Variants in CDC23 observed in about 807,000 individuals in gnomAD.
CDC23 encodes the protein cell division cycle 23.
CDC23 carries 26 observed loss-of-function variants against 81.7 expected under a neutral mutation model. That is an observed-to-expected ratio of 0.32 (90% confidence interval 0.23 to 0.44). The LOEUF (loss-of-function observed/expected upper bound fraction) is 0.44, where lower values mean the gene tolerates loss of function less well. Ranked by LOEUF, CDC23 falls within the 20% of genes least tolerant of loss-of-function variation. CDC23 has a pLI of 1.00. For missense variants in CDC23, 519 were observed against 728.0 expected (o/e 0.71, Z 3.30); for synonymous variants, 267 against 270.8 (o/e 0.99, Z 0.14).
chr5:138,206,894 T>C (rs1367114927), intron 2 of CDC23, among the ~76,000 whole-genome samples: 2 of 149,708 alleles, frequency 1.3e-5, no homozygotes, highest in African/African-American at 2.4e-5. Context: ...TTTTTTTTTT[T>C]TTTGAGACAG....
intron 6 of CDC23, chr5:138,200,814 C>T (rs111503745): frequency 4.8e-5 from 14 of 291,498 alleles, no homozygotes; most frequent in African/African-American, 2.7e-4. Context: ...AGCAAGACTC[C>T]GTCTCAAACA....
At chr5:138,197,456 G>C (rs575970180) in intron 9 of CDC23, among the ~76,000 whole-genome samples, 2 of 150,896 alleles carry the variant, frequency 1.3e-5, no homozygotes, top group East Asian at 3.9e-4. Context: ...TACAGTTTTG[G>C]CAAGCAAACA....
chr5:138,205,207 A>G (rs1040044923), intron 3 of CDC23, among the ~76,000 whole-genome samples: 5 of 152,334 alleles, frequency 3.3e-5, no homozygotes, highest in African/African-American at 9.6e-5. Context: ...CTATTCTACC[A>G]TAACTCATCC....
chr5:138,212,916 G>T, intron 2 of CDC23, 75 bp downstream of exon 2: 1 of 1,249,216 alleles, frequency 8.0e-7, no homozygotes. Context: ...CTCTCCTCCA[G>T]TGACAGGGCA....
At chr5:138,203,692 A>T (rs886153424) in intron 3 of CDC23, among the ~76,000 whole-genome samples, 1 of 152,078 alleles carries the variant, frequency 6.6e-6, no homozygotes. Context: ...CACGCCAATC[A>T]CCTGAGGTCA....
intron 6 of CDC23, among the ~76,000 whole-genome samples, chr5:138,200,398 C>T (rs1754973764): frequency 6.6e-6 from 1 of 152,052 alleles, no homozygotes; most frequent in African/African-American, 2.4e-5. Flanking sequence ...TCCCAAAGTG[C>T]TAGGATTACA....
At chr5:138,200,783 G>A in intron 6 of CDC23, 1 of 219,522 alleles carries the variant, frequency 4.6e-6, no homozygotes, top group Non-Finnish European at 9.0e-6. Context: ...TCGCACCACT[G>A]CACTCCAGCC....
intron 11 of CDC23, 104 bp from the exon 12 acceptor site, chr5:138,192,041 C>A: frequency 9.6e-7 from 1 of 1,041,380 alleles, no homozygotes; most frequent in South Asian, 1.4e-5. Flanking sequence ...AACAACTGGT[C>A]TTTAACCTGA....
chr5:138,197,303 C>G (rs78014544), intron 9 of CDC23, among the ~76,000 whole-genome samples: 1 of 72,066 alleles, frequency 1.4e-5, no homozygotes, highest in Admixed American at 1.8e-4. Flanking sequence ...GACTCTGTCA[C>G]CAAAAAAAAA....
In CDC23 at chr5:138,198,052, G is replaced by A; in HGVS notation, c.1012+147C>T. On this transcript the variant is annotated intron_variant, in intron 9 of 15. Transcript: ENST00000394886. ...CAGCTGACTGCTGCCCTGACATCTG[G>A]GCTCTCAAGCGATCCTCCCGCCTCA... 1.1e-5 allele frequency: 7 copies of A among 612,448 alleles called. 1 individual carries two copies. Among genetic ancestry groups the A allele is most frequent in the South Asian group, 2.0e-5 (1 of 48,948 alleles). 37.9% of individuals were successfully genotyped at this position (612,448 alleles called of 1,614,324 possible).
rs1561633076 is a variant in CDC23, at chr5:138,192,525, G to A, written c.1145C>T (p.Ser382Phe). The change falls in exon 10 of 16, where the codon TCT (serine) becomes TTT (phenylalanine). Residue 382 changes from serine (S) to phenylalanine (F), a missense_variant. By Grantham distance (155) the Ser-to-Phe change is radical. Transcript: ENST00000394886. The part of the protein sequence containing the change: ...GHEYMEMKNT[S>F]AAIQAYRHAI... ...TCACCTATAAGCCTGGATAGCAGCA[G>A]ACGTGTTCTTCATCTCCATGTACTC... 1.9e-6 allele frequency: 3 copies of A among 1,614,080 alleles called. No homozygotes were observed. Among genetic ancestry groups the A allele is most frequent in the Non-Finnish European group, 1.7e-6 (2 of 1,180,008 alleles).
rs183828097 is a variant in CDC23, at chr5:138,188,598, T to G, written c.*380A>C. On this transcript the variant is annotated 3_prime_UTR_variant, in exon 16 of 16. Transcript: ENST00000394886. ...GCCCTACTGCCAGCTCAGGGTAGAGTGGCAGACTTTCCTCCTTTCTTTCAC... is the reference window on the plus strand; with the variant it reads ...GCCCTACTGCCAGCTCAGGGTAGAGGGGCAGACTTTCCTCCTTTCTTTCAC... 3.0e-3 allele frequency: 481 copies of G among 160,182 alleles called. No homozygotes were observed. Among genetic ancestry groups the G allele is most frequent in the Middle Eastern group, 9.2e-3 (3 of 326 alleles). The allele number at this position is 160,182 out of a possible 1,614,324, so 9.9% of individuals were successfully genotyped here. A position where few individuals can be genotyped will look rare whatever the true frequency, so the allele number is the denominator to read the frequency against.
intron 9 of CDC23, among the ~76,000 whole-genome samples, chr5:138,194,061 T>C (rs1317570460): frequency 6.6e-6 from 1 of 152,122 alleles, no homozygotes; most frequent in Non-Finnish European, 1.5e-5. Flanking sequence ...AGATTTCAGC[T>C]GAAGAAAGTA....
chr5:138,202,504 G>A (rs1254079211), intron 3 of CDC23, among the ~76,000 whole-genome samples: 1 of 152,124 alleles, frequency 6.6e-6, no homozygotes, highest in Non-Finnish European at 1.5e-5. Context: ...GGCTGGTCTC[G>A]AACTCCAGAC....
At chr5:138,198,870 G>C in intron 6 of CDC23, 88 bp from the exon 7 acceptor site, 2 of 1,356,330 alleles carry the variant, frequency 1.5e-6, no homozygotes, top group South Asian at 2.8e-5. Context: ...TTATCTAAAG[G>C]AATTTATCAC....
intron 2 of CDC23, among the ~76,000 whole-genome samples, chr5:138,211,454 G>C (rs1755112313): frequency 6.6e-6 from 1 of 152,268 alleles, no homozygotes; most frequent in South Asian, 2.1e-4. Context: ...CTGAAGTCAG[G>C]AGTTCCAGAC....
chr5:138,195,589 T>TA (rs1211204296), intron 9 of CDC23, among the ~76,000 whole-genome samples: 9 of 96,650 alleles, frequency 9.3e-5, no homozygotes, highest in Non-Finnish European at 1.4e-4. Context: ...ATATTATATA[T>TA]AATATATATT....
intron 9 of CDC23, among the ~76,000 whole-genome samples, chr5:138,195,619 A>T (rs1257260560): frequency 8.5e-6 from 1 of 117,880 alleles, no homozygotes; most frequent in African/African-American, 3.3e-5. Flanking sequence ...ATATTTATAT[A>T]TAAATATAAA....
intron 2 of CDC23, 99 bp downstream of exon 2, chr5:138,212,892 T>C (rs555436148): frequency 1.1e-6 from 1 of 905,304 alleles, no homozygotes; most frequent in East Asian, 2.4e-5. Flanking sequence ...CAAACATTTC[T>C]GCTAAGCAGT....
Sources: gnomAD v4.1 joint callset for allele counts (sites outside exome capture counted in the v4.1 genomes callset) on GRCh38, gnomAD v4.1.1 for gene constraint, MANE v1.5 for transcripts, NCBI Gene and HGNC (gene_info 2026-07-23, HGNC 2026-07-21) for gene names.